Variants in RALGAPA2 observed in about 807,000 individuals in gnomAD.
RALGAPA2 encodes the protein ral GTPase-activating protein subunit alpha-2.
RALGAPA2 carries 139 observed loss-of-function variants against 230.4 expected under a neutral mutation model. The observed-to-expected ratio is 0.60, with a 90% confidence interval of 0.53 to 0.69. RALGAPA2 has a LOEUF of 0.69. Among genes scored for constraint, RALGAPA2 ranks in the 30% least tolerant of loss-of-function variants. RALGAPA2 has a pLI of 0.00. For missense variants in RALGAPA2, 2,163 were observed against 2,276.0 expected (o/e 0.95, Z 1.01); for synonymous variants, 847 against 837.8 (o/e 1.01, Z -0.19).
At chr20:20,431,094 G>C (rs1309180618) in intron 37 of RALGAPA2, among the ~76,000 whole-genome samples, 1 of 151,840 alleles carries the variant, frequency 6.6e-6, no homozygotes, top group Non-Finnish European at 1.5e-5. Context: ...GAGTCCCCCT[G>C]AAGCGTAGCT....
At position 20,518,955 on chromosome 20, in the gene RALGAPA2, A is replaced by G. The variant is rs1209272659; in HGVS notation, c.4084+1962T>C. On this transcript the variant is annotated intron_variant, in intron 31 of 39. Coordinates refer to ENST00000202677, the MANE Select transcript of RALGAPA2 (RefSeq NM_020343.4). ...TAAAAATAATTTATCATTGTGGGGG[A>G]AAAAGTAAAGCAGACATTGCAGTTG... is the stretch of plus-strand genomic sequence containing the variant. Among the ~76,000 whole-genome samples the G allele has an allele frequency of 3.3e-5, 5 of 152,310 alleles. No individual in the cohort carries two copies. In the East Asian group the frequency reaches 9.6e-4, roughly 29 times the overall value.
At chr20:20,521,697 T>C (rs1027789819) in intron 30 of RALGAPA2, among the ~76,000 whole-genome samples, 1 of 152,240 alleles carries the variant, frequency 6.6e-6, no homozygotes, top group Admixed American at 6.5e-5. Context: ...ACACAAATCA[T>C]CTTGAATATG....
intron 1 of RALGAPA2, among the ~76,000 whole-genome samples, chr20:20,682,026 T>C (rs1404756559): frequency 6.6e-6 from 1 of 152,250 alleles, no homozygotes; most frequent in African/African-American, 2.4e-5. Context: ...TGAACATACA[T>C]ATTATGATTT....
chr20:20,495,418 G>A, intron 35 of RALGAPA2, 143 bp from the exon 36 acceptor site: 1 of 628,192 alleles, frequency 1.6e-6, no homozygotes, highest in Non-Finnish European at 2.5e-6. Flanking sequence ...GTTCTTCTGT[G>A]AGGATTTTAA....
At chr20:20,607,094 G>C (rs1489221717) in intron 14 of RALGAPA2, among the ~76,000 whole-genome samples, 2 of 152,120 alleles carry the variant, frequency 1.3e-5, no homozygotes, top group Non-Finnish European at 2.9e-5. Flanking sequence ...ATGCAAATAG[G>C]CTCCCACTCT....
chr20:20,636,608 T>A (rs2066870333), intron 8 of RALGAPA2, among the ~76,000 whole-genome samples: 1 of 151,460 alleles, frequency 6.6e-6, no homozygotes, highest in Non-Finnish European at 1.5e-5. Context: ...ACACACAGAG[T>A]ACAGACAACT....
Position 20,572,923 on chromosome 20 carries a change from A to G in RALGAPA2, c.2853T>C (p.His951=). 6.4e-7 allele frequency: 1 copy of G among 1,569,618 alleles called. No individual in the cohort carries two copies. Among genetic ancestry groups the G allele is most frequent in the Non-Finnish European group, 8.6e-7 (1 of 1,156,474 alleles). The change falls in exon 21 of 40, where the codon CAT becomes CAC. Residue 951 remains histidine, a synonymous_variant. Transcript: ENST00000202677. ...DVNNIQSPKI[H]ARVFCYLYEL... ...CATAGAGATAGCAGAAAACTCTGGC[A>G]TGGATCTTGGGTGACTGGATGTTAT...
rs555832539 is a variant in RALGAPA2 at position 20,409,437 on chromosome 20, G to A, written c.5617+2590C>T. 5.3e-5 allele frequency among the ~76,000 whole-genome samples: 8 copies of A among 152,288 alleles called. No homozygotes were observed. In the South Asian group the frequency reaches 1.0e-3, roughly 20 times the overall value. ...CCCTAATTCCTCAGATTGTGCATAC[G>A]CATGTGAGCCCAAGCCCAAGGCCCT... On this transcript the variant is annotated intron_variant, in intron 38 of 39. Coordinates refer to ENST00000202677, the MANE Select transcript of RALGAPA2 (RefSeq NM_020343.4).
In RALGAPA2 at chr20:20,680,686, C is replaced by T; in HGVS notation, c.217+5G>A. On this transcript the variant is annotated splice_donor_5th_base_variant and intron_variant, in intron 2 of 39. Coordinates refer to ENST00000202677, the MANE Select transcript of RALGAPA2 (RefSeq NM_020343.4). Reference sequence around the variant, plus strand: ...TTTTTAAAAAAAAACTACTGAAATGCTTACCTTTTAATTTCAAACTATTTT... The same window carrying T: ...TTTTTAAAAAAAAACTACTGAAATGTTTACCTTTTAATTTCAAACTATTTT... 2 of 1,536,626 alleles carry T rather than the reference C, an allele frequency of 1.3e-6. No homozygotes were observed. Among genetic ancestry groups the T allele is most frequent in the Non-Finnish European group, 1.7e-6 (2 of 1,148,288 alleles).
At chr20:20,419,433 A>C (rs1328737854) in intron 37 of RALGAPA2, among the ~76,000 whole-genome samples, 1 of 152,198 alleles carries the variant, frequency 6.6e-6, no homozygotes, top group Non-Finnish European at 1.5e-5. Context: ...AAAGAAGTCC[A>C]TTTGACTCAG....
At chr20:20,524,800 T>C (rs781054281) in intron 29 of RALGAPA2, 30 bp downstream of exon 29, 10 of 1,512,366 alleles carry the variant, frequency 6.6e-6, no homozygotes, top group African/African-American at 5.7e-5. Flanking sequence ...AAAAAAACTA[T>C]AGGAAAAACT....
intron 16 of RALGAPA2, among the ~76,000 whole-genome samples, chr20:20,592,521 T>C (rs1200040217): frequency 6.6e-6 from 1 of 152,232 alleles, no homozygotes; most frequent in African/African-American, 2.4e-5. Context: ...CATTGCTCTG[T>C]TTCTCACTAG....
intron 33 of RALGAPA2, among the ~76,000 whole-genome samples, chr20:20,508,624 T>C (rs911926674): frequency 6.6e-6 from 1 of 152,194 alleles, no homozygotes; most frequent in Non-Finnish European, 1.5e-5. Context: ...GAAGGAACTA[T>C]ACATCAAGAG....
Position 20,437,401 on chromosome 20 carries a change from C to T in RALGAPA2, c.5496-25253G>A, listed in dbSNP as rs2060638953. Among the ~76,000 whole-genome samples, 3 of 152,186 alleles carry T rather than the reference C, an allele frequency of 2.0e-5. No individual in the cohort carries two copies. On this transcript the variant is annotated intron_variant, in intron 37 of 39. Transcript: ENST00000202677. This position sits in a 1 kb window ranked among gnomAD's most constrained non-coding sequence, Gnocchi z 4.1. ...GTTCCTGGATTATGGCTGTGGCCTCCTACCTCTTCTGGCCTCTGTACCCAG... is the reference window on the plus strand; with the variant it reads ...GTTCCTGGATTATGGCTGTGGCCTCTTACCTCTTCTGGCCTCTGTACCCAG...
chr20:20,455,535 C>T (rs1311045413), intron 37 of RALGAPA2, among the ~76,000 whole-genome samples: 1 of 152,192 alleles, frequency 6.6e-6, no homozygotes, highest in Non-Finnish European at 1.5e-5. Context: ...CTAGGACGGG[C>T]ATTCCTATGG....
At chr20:20,550,090 C>A (rs1209303312) in intron 23 of RALGAPA2, among the ~76,000 whole-genome samples, 1 of 152,052 alleles carries the variant, frequency 6.6e-6, no homozygotes, top group East Asian at 1.9e-4. Flanking sequence ...CACCCATCAC[C>A]CAAGCAGTAA....
At chr20:20,696,797 C>G (rs1457704976) in intron 1 of RALGAPA2, among the ~76,000 whole-genome samples, 7 of 152,186 alleles carry the variant, frequency 4.6e-5, no homozygotes, top group Admixed American at 3.9e-4. Context: ...TTCAGAGAGG[C>G]CTTCCCTCAC....
At chr20:20,505,615 C>G in intron 33 of RALGAPA2, 81 bp from the exon 34 acceptor site, 1 of 1,223,194 alleles carries the variant, frequency 8.2e-7, no homozygotes, top group Non-Finnish European at 1.1e-6. Context: ...ACCAGCATGA[C>G]TTCTACCACT....
chr20:20,470,500 A>G (rs1602467451), intron 37 of RALGAPA2, among the ~76,000 whole-genome samples: 1 of 152,118 alleles, frequency 6.6e-6, no homozygotes, highest in African/African-American at 2.4e-5. Flanking sequence ...GTCAGGTGCA[A>G]TAAGTGGGGA....
Sources: allele counts gnomAD v4.1 joint callset (sites outside exome capture counted in the v4.1 genomes callset), GRCh38; gene constraint gnomAD v4.1.1; non-coding constraint Gnocchi (gnomAD v3.1); transcripts MANE v1.5; gene names NCBI Gene and HGNC (gene_info 2026-07-23, HGNC 2026-07-21).